CCL28: variants seen among roughly 807,000 people sequenced by gnomAD.
The protein encoded by CCL28 is C-C motif chemokine ligand 28, also known as C-C motif chemokine 28.
In CCL28, 4 loss-of-function variants were observed where a neutral mutation model predicts 7.1. That is an observed-to-expected ratio of 0.56 (90% CI 0.28 to 1.29). The LOEUF (loss-of-function observed/expected upper bound fraction) is 1.29, where lower values mean the gene tolerates loss of function less well. Among genes scored for constraint, CCL28 ranks in the 50% most tolerant of loss-of-function variants. The pLI is 0.11. For missense variants in CCL28, 151 were observed against 163.4 expected (o/e 0.92, Z 0.41); for synonymous variants, 55 against 57.8 (o/e 0.95, Z 0.22).
chr5:43,392,400 A>G (rs1159038800), intron 1 of CCL28, among the ~76,000 whole-genome samples: 2 of 152,188 alleles, frequency 1.3e-5, no homozygotes, highest in African/African-American at 4.8e-5. Context: ...TACAGGTGTG[A>G]GCCACCATGC....
chr5:43,370,195 T>C, the CCL28 span, among the ~76,000 whole-genome samples: 2 of 152,166 alleles, frequency 1.3e-5, no homozygotes, highest in African/African-American at 4.8e-5. Context: ...AATAATAAAT[T>C]ACTGTTGTTT....
downstream of CCL28, chr5:43,376,802 A>G (rs1739897554): frequency 6.6e-6 from 1 of 152,230 alleles, no homozygotes; most frequent in African/African-American, 2.4e-5. Flanking sequence ...AATCATTAGG[A>G]TATGGAAATT....
At chr5:43,408,360 A>G (rs1288255440) in intron 1 of CCL28, among the ~76,000 whole-genome samples, 1 of 152,208 alleles carries the variant, frequency 6.6e-6, no homozygotes, top group East Asian at 1.9e-4. Context: ...GATGCTGGAA[A>G]CCATCATTCT....
chr5:43,375,003 T>A (rs114057580), downstream of CCL28, among the ~76,000 whole-genome samples: 1,051 of 152,130 alleles, frequency 6.9e-3, 8 homozygotes, highest in African/African-American at 0.024. Context: ...TCTTTTCTTT[T>A]TTTTGAGATG....
intron 1 of CCL28, among the ~76,000 whole-genome samples, chr5:43,392,176 G>A (rs1366081142): frequency 6.6e-6 from 1 of 152,108 alleles, no homozygotes; most frequent in Non-Finnish European, 1.5e-5. Context: ...GAGTGCAGTG[G>A]CGCGATCTCG....
chr5:43,386,300 T>C (rs1740333499), intron 2 of CCL28, among the ~76,000 whole-genome samples: 2 of 152,170 alleles, frequency 1.3e-5, no homozygotes, highest in Admixed American at 1.3e-4. Flanking sequence ...AAAAGACTGG[T>C]AGAATCTTGG....
At position 43,388,347 on chromosome 5, in the gene CCL28, C is replaced by A; in HGVS notation, c.191+3G>T. ...TTAGACCTCCCGGCTGATGAGCACT[C>A]ACATGACAGCAGCCAAGTCACAATC... On this transcript the variant is annotated splice_donor_region_variant and intron_variant, in intron 2 of 2. Coordinates refer to ENST00000361115, the MANE Select transcript of CCL28 (RefSeq NM_148672.3). The A allele has an allele frequency of 6.2e-7, 1 of 1,614,058 alleles. No homozygotes were observed. Among genetic ancestry groups the A allele is most frequent in the South Asian group, 1.1e-5 (1 of 91,072 alleles).
At chr5:43,393,230 T>C (rs1740653072) in intron 1 of CCL28, among the ~76,000 whole-genome samples, 1 of 152,186 alleles carries the variant, frequency 6.6e-6, no homozygotes, top group African/African-American at 2.4e-5. Flanking sequence ...ATGGGGGTCC[T>C]GCCATGTTGC....
chr5:43,406,869 C>T (rs921512625), intron 1 of CCL28, among the ~76,000 whole-genome samples: 1 of 152,188 alleles, frequency 6.6e-6, no homozygotes, highest in Non-Finnish European at 1.5e-5. Context: ...AGAGCCAAAT[C>T]ATGAGTGAAC....
intron 2 of CCL28, among the ~76,000 whole-genome samples, chr5:43,383,674 A>AAAAC (rs951921042): frequency 8.5e-5 from 13 of 152,168 alleles, no homozygotes; most frequent in South Asian, 2.1e-4. Flanking sequence ...GTAGGAAACA[A>AAAAC]AAACAAACAA....
At chr5:43,395,000 C>T (rs984904473) in intron 1 of CCL28, among the ~76,000 whole-genome samples, 1 of 151,154 alleles carries the variant, frequency 6.6e-6, no homozygotes, top group Non-Finnish European at 1.5e-5. Flanking sequence ...ACCATCCTTC[C>T]ATGTTTTGGG....
chr5:43,412,271 C>T lies in CCL28; in HGVS notation c.46G>A (p.Ala16Thr), dbSNP rs1346348160. 3.1e-6 allele frequency: 5 copies of T among 1,612,628 alleles called. No individual in the cohort carries two copies. In the East Asian group the frequency reaches 1.1e-4, roughly 36 times the overall value. The change falls in exon 1 of 3, where the codon GCC becomes ACC. Residue 16 changes from alanine (A) to threonine (T), a missense_variant. By Grantham distance (58) the Ala-to-Thr change is moderately conservative (BLOSUM62 0). Transcript: ENST00000361115. ...LAIVALAVCA[A>T]LHASEAILPI... ...CACTCACCTTCTGAGGCATGTAGGG[C>T]CGCACAGACAGCCAAGGCCACGATG...
chr5:43,396,525 T>C (rs1416363215), intron 1 of CCL28, among the ~76,000 whole-genome samples: 2 of 152,154 alleles, frequency 1.3e-5, no homozygotes, highest in Non-Finnish European at 2.9e-5. Context: ...TTGTCTCTAA[T>C]AATAAATAAA....
At chr5:43,403,886 G>A (rs544549696) in intron 1 of CCL28, among the ~76,000 whole-genome samples, 297 of 152,274 alleles carry the variant, frequency 2.0e-3, no homozygotes, top group African/African-American at 6.8e-3. Context: ...TAGCCGATTC[G>A]ACCAACTGGA....
intron 1 of CCL28, among the ~76,000 whole-genome samples, chr5:43,405,235 A>C (rs1741221434): frequency 6.6e-6 from 1 of 152,242 alleles, no homozygotes; most frequent in Non-Finnish European, 1.5e-5. Flanking sequence ...ACTTATTCCA[A>C]AATAGTTGGA....
rs962416455 is a variant in CCL28, at chr5:43,380,480, A to G, written c.*1380T>C. The G allele has an allele frequency of 5.9e-5, 9 of 152,192 alleles. No individual in the cohort carries two copies. The highest frequency in any genetic ancestry group is 2.2e-4 in the African/African-American group (9 of 41,452). 9.4% of individuals were successfully genotyped at this position (152,192 alleles called of 1,614,324 possible). On this transcript the variant is annotated 3_prime_UTR_variant, in exon 3 of 3. Coordinates refer to ENST00000361115, the MANE Select transcript of CCL28 (RefSeq NM_148672.3). ...AATTCACGTAGGAAATTCTTAACCAAAAACATTAAACCTGAATTTGATCAC... is the reference window on the plus strand; with the variant it reads ...AATTCACGTAGGAAATTCTTAACCAGAAACATTAAACCTGAATTTGATCAC...
At chr5:43,364,562 T>C in the CCL28 span, among the ~76,000 whole-genome samples, 1 of 152,188 alleles carries the variant, frequency 6.6e-6, no homozygotes, top group East Asian at 1.9e-4. Flanking sequence ...TATGGTATAT[T>C]AATCTCAAAA....
At chr5:43,387,944 A>G (rs1169910298) in intron 2 of CCL28, 1 of 155,870 alleles carries the variant, frequency 6.4e-6, no homozygotes, top group African/African-American at 2.4e-5. Flanking sequence ...TGAACTTTAT[A>G]ATATGCTCCT....
At chr5:43,361,411 T>C in the CCL28 span, among the ~76,000 whole-genome samples, 1 of 152,226 alleles carries the variant, frequency 6.6e-6, no homozygotes, top group African/African-American at 2.4e-5. Flanking sequence ...ATGCATAGTT[T>C]GCAAATATTT....
Sources: gnomAD v4.1 joint callset for allele counts (sites outside exome capture counted in the v4.1 genomes callset) on GRCh38, gnomAD v4.1.1 for gene constraint, MANE v1.5 for transcripts, NCBI Gene and HGNC (gene_info 2026-07-23, HGNC 2026-07-21) for gene names.